Variants in SPTBN2 observed in about 807,000 individuals in gnomAD.
SPTBN2 encodes spectrin beta, non-erythrocytic 2.
SPTBN2 carries 107 observed loss-of-function variants against 284.2 expected under a neutral mutation model. The ratio of observed to expected loss-of-function variants is 0.38; its 90% CI spans 0.32 to 0.44. The LOEUF is 0.44. Among genes scored for constraint, SPTBN2 ranks in the 20% least tolerant of loss-of-function variants. The pLI, the probability that SPTBN2 is intolerant of heterozygous loss-of-function variation, is 1.00. For missense variants in SPTBN2, 2,569 were observed against 3,287.1 expected, an observed-to-expected ratio of 0.78 and a Z score of 5.34; for synonymous variants, 1,289 against 1,354.8, an observed-to-expected ratio of 0.95 and a Z score of 1.07.
chr11:66,725,807 C>T (rs756064666), intron 1 of SPTBN2, among the ~76,000 whole-genome samples: 3 of 152,202 alleles, frequency 2.0e-5, no homozygotes, highest in Admixed American at 6.5e-5. Context: ...TGCCGATCCT[C>T]CAGGGCAGTT....
chr11:66,734,698 G>A (rs1942840464), intron 1 of SPTBN2, among the ~76,000 whole-genome samples: 1 of 152,308 alleles, frequency 6.6e-6, no homozygotes, highest in East Asian at 1.9e-4. Flanking sequence ...TACAGCATGA[G>A]CGCCATGAGG....
chr11:66,705,104 T>C lies in SPTBN2; in HGVS notation c.2172A>G (p.Glu724=), dbSNP rs2135446777. 6.4e-7 allele frequency: 1 copy of C among 1,560,324 alleles called. No homozygotes were observed. The highest frequency in any genetic ancestry group is 1.2e-5 in the South Asian group (1 of 86,902). ...CTAGCCGCTCCCACTGGGCTTGGAG[T>C]TCAGCTGCACGGGCAGAGGCCTGGC... is the stretch of plus-strand genomic sequence containing the variant. ...GASQASARAA[E]LQAQWERLEA... Residue 724 remains glutamate, a synonymous_variant, in exon 15 of 38, where the codon GAA becomes GAG. Transcript: ENST00000533211.
At position 66,687,283 on chromosome 11, in the gene SPTBN2, C is replaced by A; in HGVS notation, c.6723-116G>T. 6.4e-7 allele frequency: 1 copy of A among 1,557,504 alleles called. No individual in the cohort carries two copies. The highest frequency in any genetic ancestry group is 1.1e-5 in the South Asian group (1 of 88,748). On this transcript the variant is annotated intron_variant, in intron 35 of 37. Transcript: ENST00000533211. The surrounding 1 kb of genome is among the most constrained non-coding windows in gnomAD (Gnocchi z 5.2). ...CATCTTTAGGCCACGGTCTTCACAC[C>A]CTCTGGTCCTCCCCTGAGGCCCCGC...
Position 66,683,606 on chromosome 11 carries a change from G to A in SPTBN2, c.*2265C>T, listed in dbSNP as rs890772658. On this transcript the variant is annotated 3_prime_UTR_variant, in exon 38 of 38. Transcript: ENST00000533211. ...AATCATGCCCTGAAGTCCTGCTGCC[G>A]CATATGCAGATGCTGCTCGGGGTCT... Among the ~76,000 whole-genome samples the A allele has an allele frequency of 2.0e-5, 3 of 152,148 alleles. No individual in the cohort carries two copies. Among genetic ancestry groups the A allele is most frequent in the South Asian group, 2.1e-4 (1 of 4,828 alleles).
intron 3 of SPTBN2, among the ~76,000 whole-genome samples, chr11:66,720,108 G>C (rs1262896187): frequency 6.6e-6 from 1 of 152,202 alleles, no homozygotes; most frequent in Non-Finnish European, 1.5e-5. Flanking sequence ...TTGGAAACCT[G>C]TATTTGTAAA....
intron 1 of SPTBN2, among the ~76,000 whole-genome samples, chr11:66,722,028 G>C (rs1942427484): frequency 6.6e-6 from 1 of 151,214 alleles, no homozygotes; most frequent in African/African-American, 2.4e-5. Context: ...TTCTGCTCTT[G>C]AGTTAAGAAA....
upstream of SPTBN2, among the ~76,000 whole-genome samples, chr11:66,730,819 T>C (rs772287934): frequency 1.3e-5 from 2 of 152,246 alleles, no homozygotes; most frequent in Non-Finnish European, 2.9e-5. Flanking sequence ...AACATTCTCA[T>C]TCTTATTCTA....
chr11:66,690,943 G>A (rs2096807938), intron 27 of SPTBN2, among the ~76,000 whole-genome samples: 2 of 152,104 alleles, frequency 1.3e-5, no homozygotes, highest in Non-Finnish European at 2.9e-5. Context: ...TCAGCCTCCT[G>A]AGTAGCTAGG....
upstream of SPTBN2, among the ~76,000 whole-genome samples, chr11:66,730,250 G>C (rs1310822969): frequency 6.6e-6 from 1 of 152,112 alleles, no homozygotes; most frequent in Admixed American, 6.5e-5. Context: ...CGGTCATCAG[G>C]GACACTTGGT....
chr11:66,688,618 G>A (rs761737381), intron 31 of SPTBN2, 35 bp downstream of exon 31: 1 of 1,612,498 alleles, frequency 6.2e-7, no homozygotes, highest in Non-Finnish European at 8.5e-7. Flanking sequence ...AGGGGAGCAG[G>A]TTGGAGTGGG....
intron 30 of SPTBN2, 119 bp downstream of exon 30, chr11:66,688,977 C>T (rs1335029976): frequency 6.1e-6 from 9 of 1,469,680 alleles, no homozygotes; most frequent in African/African-American, 1.4e-5. Context: ...CCAGGCAGCA[C>T]GAAGATTGGG....
intron 13 of SPTBN2, among the ~76,000 whole-genome samples, chr11:66,706,778 C>T (rs538147930): frequency 2.0e-5 from 3 of 151,058 alleles, no homozygotes; most frequent in South Asian, 2.1e-4. Context: ...TACAGGCATG[C>T]GCTACCACCG....
At position 66,687,347 on chromosome 11, in the gene SPTBN2, T is replaced by C; in HGVS notation, c.6722+80A>G. The C allele has an allele frequency of 7.6e-6, 12 of 1,574,378 alleles. No homozygotes were observed. Among genetic ancestry groups the C allele is most frequent in the Non-Finnish European group, 1.0e-5 (12 of 1,157,254 alleles). On this transcript the variant is annotated intron_variant, in intron 35 of 37. Coordinates refer to ENST00000533211, the MANE Select transcript of SPTBN2 (RefSeq NM_006946.4). The surrounding 1 kb of genome is among the most constrained non-coding windows in gnomAD (Gnocchi z 5.2). ...CCTACCCTTTGCCCAGAAGATGTAC[T>C]CTAAAGGGCATCCCTCCCTCTATCT...
Position 66,688,682 on chromosome 11 carries a change from G to T in SPTBN2, c.6202C>A (p.Arg2068=). 6.2e-7 allele frequency: 1 copy of T among 1,613,922 alleles called. No individual in the cohort carries two copies. Among genetic ancestry groups the T allele is most frequent in the Non-Finnish European group, 8.5e-7 (1 of 1,180,020 alleles). ...FQKSAVAWEE[R]FCALEKLTAL... ...GTAAGCTTCTCCAGCGCACAGAATC[G>T]CTCCTCCCAGGCCACTGCTGACTTC... Residue 2068 remains arginine (R), a synonymous_variant, in exon 31 of 38, where the codon CGA becomes AGA. Coordinates refer to ENST00000533211, the MANE Select transcript of SPTBN2 (RefSeq NM_006946.4).
In SPTBN2 at chr11:66,698,695, G is replaced by A. The variant is rs1941076038; in HGVS notation, c.3958C>T (p.Gln1320Ter). ...RNLHTKWQKH[Q>*]AFMAELAANK... ...GCAGCCAGCTCGGCCATGAATGCCTGGTGCTTCTGCCACTTAGTATGCAGG... is the reference window on the plus strand; with the variant it reads ...GCAGCCAGCTCGGCCATGAATGCCTAGTGCTTCTGCCACTTAGTATGCAGG... Residue 1320 changes from glutamine to a stop codon, truncating the protein, a stop_gained, in exon 20 of 38, where the codon CAG becomes TAG. Coordinates refer to ENST00000533211, the MANE Select transcript of SPTBN2 (RefSeq NM_006946.4). LOFTEE classifies it high-confidence loss of function. 1 of 1,614,130 alleles carries A rather than the reference G, an allele frequency of 6.2e-7. No homozygotes were observed. The highest frequency in any genetic ancestry group is 1.7e-5 in the Admixed American group (1 of 60,014).
At chr11:66,723,727 G>GTAAAT (rs1200734995) in intron 1 of SPTBN2, among the ~76,000 whole-genome samples, 2 of 152,058 alleles carry the variant, frequency 1.3e-5, no homozygotes, top group African/African-American at 2.4e-5. Context: ...AGATTCTCTG[G>GTAAAT]ATTTGTTCTG....
intron 15 of SPTBN2, 47 bp downstream of exon 15, chr11:66,704,551 A>G: frequency 1.1e-6 from 1 of 910,802 alleles, no homozygotes; most frequent in Non-Finnish European, 1.6e-6. Context: ...TGGCCCCCCC[A>G]CCCCCACCTC....
At position 66,700,278 on chromosome 11, in the gene SPTBN2, C is replaced by G. The variant is rs1016318087; in HGVS notation, c.3573+248G>C. ...CTCCCATTTTTCTTTTTAAAAAATT[C>G]TTCTATTTTCTTAAAAAAATTTTTT... is the stretch of plus-strand genomic sequence containing the variant. On this transcript the variant is annotated intron_variant, in intron 17 of 37. Coordinates refer to ENST00000533211, the MANE Select transcript of SPTBN2 (RefSeq NM_006946.4). The surrounding 1 kb of genome is among the most constrained non-coding windows in gnomAD (Gnocchi z 6.6). Among the ~76,000 whole-genome samples, 1 of 152,012 alleles carries G rather than the reference C, an allele frequency of 6.6e-6. No homozygotes were observed. Among genetic ancestry groups the G allele is most frequent in the Non-Finnish European group, 1.5e-5 (1 of 68,006 alleles).
upstream of SPTBN2, among the ~76,000 whole-genome samples, chr11:66,732,997 A>C (rs1286910285): frequency 1.3e-5 from 2 of 151,304 alleles, no homozygotes; most frequent in African/African-American, 4.9e-5. Flanking sequence ...AAAAAAAAAA[A>C]ACAATACAAA....
Sources: gnomAD v4.1 joint callset for allele counts (sites outside exome capture counted in the v4.1 genomes callset) on GRCh38, gnomAD v4.1.1 for gene constraint, Gnocchi (gnomAD v3.1) non-coding constraint, MANE v1.5 for transcripts, NCBI Gene and HGNC (gene_info 2026-07-23, HGNC 2026-07-21) for gene names.